The following AHNAK2 variants were observed in gnomAD, a reference collection of about 807,000 sequenced individuals.
AHNAK2 encodes the protein protein AHNAK2.
AHNAK2 carries 18 observed loss-of-function variants against 30.7 expected under a neutral mutation model. That is an observed-to-expected ratio of 0.59 (90% CI 0.41 to 0.87). The LOEUF is 0.87. AHNAK2 is among the 40% of genes least tolerant of loss of function. AHNAK2 has a pLI of 0.00. For missense variants in AHNAK2, 8,604 were observed against 7,373.0 expected, an observed-to-expected ratio of 1.17 and a Z score of -6.11; for synonymous variants, 3,590 against 3,073.8, an observed-to-expected ratio of 1.17 and a Z score of -5.56.
rs2582502 is a variant in AHNAK2 at position 104,952,235 on chromosome 14, G to T, written c.3216C>A (p.Pro1072=). 1 of 1,612,172 alleles carries T rather than the reference G, an allele frequency of 6.2e-7. No individual in the cohort carries two copies. Among genetic ancestry groups the T allele is most frequent in the South Asian group, 1.1e-5 (1 of 91,002 alleles). ...VDVKLPEGHL[P]EGAGLKGHLP... ...AGTGCCCTTTAAGGCCAGCTCCCTC[G>T]GGCAGGTGGCCCTCCGGGAGCTTCA... Residue 1072 remains proline (P), a synonymous_variant, in exon 7 of 7, where the codon CCC becomes CCA. Transcript: ENST00000333244.
At position 104,941,131 on chromosome 14, in the gene AHNAK2, G is replaced by A. The variant is rs368536920; in HGVS notation, c.14320C>T (p.Leu4774Phe). 1.4e-5 allele frequency: 22 copies of A among 1,613,638 alleles called. No homozygotes were observed. The highest frequency in any genetic ancestry group is 1.8e-5 in the Non-Finnish European group (21 of 1,179,900). ...GAAGATTCAAAGTGAGGACCAGTGAGATCAAGCCGGGATGATGGAAACCCA... is the reference window on the plus strand; with the variant it reads ...GAAGATTCAAAGTGAGGACCAGTGAAATCAAGCCGGGATGATGGAAACCCA... ...FAGFPSSRLD[L>F]TGPHFESSIL... Residue 4774 changes from leucine (L) to phenylalanine (F), a missense_variant, in exon 7 of 7, where the codon CTC becomes TTC. Physicochemically the swap from Leu to Phe is conservative, Grantham distance 22 (BLOSUM62 0). Coordinates refer to ENST00000333244, the MANE Select transcript of AHNAK2 (RefSeq NM_138420.4).
At position 104,952,810 on chromosome 14, in the gene AHNAK2, G is replaced by A. The variant is rs1405225809; in HGVS notation, c.2641C>T (p.Leu881Phe). 2 of 1,612,510 alleles carry A rather than the reference G, an allele frequency of 1.2e-6. No individual in the cohort carries two copies. The highest frequency in any genetic ancestry group is 1.7e-6 in the Non-Finnish European group (2 of 1,179,556). The change falls in exon 7 of 7, where the codon CTC becomes TTC. Residue 881 changes from leucine (L) to phenylalanine (F), a missense_variant. Coordinates refer to ENST00000333244, the MANE Select transcript of AHNAK2 (RefSeq NM_138420.4). ...SMQGDLKATDLSIQPPSADLE... is the reference protein window; with the variant it reads ...SMQGDLKATDFSIQPPSADLE... ...TCAGCGGAAGGGGGCTGAATGCTGA[G>A]GTCAGTGGCCTTGAGGTCCCCCTGC... is the stretch of plus-strand genomic sequence containing the variant.
rs574372155 is a variant in AHNAK2, at chr14:104,944,042, G to T, written c.11409C>A (p.Phe3803Leu). The T allele has an allele frequency of 5.0e-5, 80 of 1,613,040 alleles. No individual in the cohort carries two copies. The Admixed American group carries it at 1.3e-3, about 26-fold the overall frequency. ...DKDVTAKDSK[F>L]KMPKFKMPSF... ...ACGGCATCTTGAACTTGGGCATTTT[G>T]AATTTGCTGTCTTTGGCAGTCACAT... Residue 3803 changes from phenylalanine to leucine, a missense_variant, in exon 7 of 7, where the codon TTC becomes TTA. By Grantham distance (22) the Phe-to-Leu change is conservative. Transcript: ENST00000333244.
At position 104,950,909 on chromosome 14, in the gene AHNAK2, G is replaced by C. The variant is rs138686869; in HGVS notation, c.4542C>G (p.Ala1514=). 3.3e-5 allele frequency: 52 copies of C among 1,555,506 alleles called. 10 individuals are homozygous for C. In the Admixed American group the frequency reaches 5.4e-4, roughly 16 times the overall value. The change falls in exon 7 of 7, where the codon GCC becomes GCG. Residue 1514 remains alanine, a synonymous_variant. Coordinates refer to ENST00000333244, the MANE Select transcript of AHNAK2 (RefSeq NM_138420.4). The part of the protein sequence containing the change: ...GVSAPGKSIE[A]SVDVSAPKVE... ...CCTTCGGCGCAGACACATCCACTGA[G>C]GCCTCGATGGACTTGCCTGGGGCAG... is the stretch of plus-strand genomic sequence containing the variant.
In AHNAK2 at chr14:104,971,108, G is replaced by A. The variant is rs541404029; in HGVS notation, c.55+7075C>T. ...CCAGGGTATCTGGTAAGCAGGGTGC[G>A]GTGGGGCTCAGGAAGCAGCATTTTT... On this transcript the variant is annotated intron_variant, in intron 1 of 6. Transcript: ENST00000333244. Among the ~76,000 whole-genome samples the A allele has an allele frequency of 7.0e-4, 107 of 152,170 alleles. 1 individual carries two copies. Among genetic ancestry groups the A allele is most frequent in the Middle Eastern group, 6.8e-3 (2 of 294 alleles).
chr14:104,947,158 C>G lies in AHNAK2; in HGVS notation c.8293G>C (p.Ala2765Pro), dbSNP rs750376311. The change falls in exon 7 of 7, where the codon GCG (alanine) becomes CCG (proline). Residue 2765 changes from alanine to proline, a missense_variant. By Grantham distance (27) the Ala-to-Pro change is conservative. Transcript: ENST00000333244. ...TTCACATCGGGGGCTGTCACTTCCGCCTTGGGGCCTTTCAGGTCCACGTTG... is the reference window on the plus strand; with the variant it reads ...TTCACATCGGGGGCTGTCACTTCCGGCTTGGGGCCTTTCAGGTCCACGTTG... ...GPNVDLKGPK[A>P]EVTAPDVKMS... is the part of the protein sequence containing the mutation. The G allele has an allele frequency of 6.2e-7, 1 of 1,611,988 alleles. No homozygotes were observed. The highest frequency in any genetic ancestry group is 1.1e-5 in the South Asian group (1 of 91,014).
Position 104,948,232 on chromosome 14 carries a change from G to A in AHNAK2, c.7219C>T (p.Pro2407Ser). 1.2e-6 allele frequency: 2 copies of A among 1,612,508 alleles called. No homozygotes were observed. Among genetic ancestry groups the A allele is most frequent in the Non-Finnish European group, 1.7e-6 (2 of 1,179,530 alleles). ...TCTACTTTGGGCATCTTGAAACTGG[G>A]CATCTGCAGCTTGGGCAGGTGCCCT... is the stretch of plus-strand genomic sequence containing the variant. ...LKGHLPKLQMPSFKMPKVDLK... is the reference protein window; with the variant it reads ...LKGHLPKLQMSSFKMPKVDLK... The change falls in exon 7 of 7, where the codon CCC becomes TCC. Residue 2407 changes from proline to serine, a missense_variant. By Grantham distance (74) the Pro-to-Ser change is moderately conservative. Transcript: ENST00000333244.
rs117303553 is a variant in AHNAK2 at position 104,956,082 on chromosome 14, G to A, written c.316-449C>T. Among the ~76,000 whole-genome samples the A allele has an allele frequency of 1.5e-4, 23 of 152,236 alleles. No individual in the cohort carries two copies. In the East Asian group the frequency reaches 4.3e-3, roughly 28 times the overall value. ...ATACGGGACATTGGGTGCAGCCTGCGAGACCTGGGACAGGATGGGGCCTGT... is the reference window on the plus strand; with the variant it reads ...ATACGGGACATTGGGTGCAGCCTGCAAGACCTGGGACAGGATGGGGCCTGT... On this transcript the variant is annotated intron_variant, in intron 4 of 6. Coordinates refer to ENST00000333244, the MANE Select transcript of AHNAK2 (RefSeq NM_138420.4).
chr14:104,953,800 CCT>C lies in AHNAK2; in HGVS notation c.1649_1650del (p.Gln550ArgfsTer3). ...CCTTCCTCTCCATCTCCTTCATCCC[CCT>C]GTGCTTCTGCATGTGTGGTTGGTTC... ...GREPTTHAEAQGDEGDGEEGL... is the reference protein window; with the variant it reads ...GREPTTHAEAXGDEGDGEEGL... On this transcript the variant is annotated frameshift_variant, in exon 7 of 7. Coordinates refer to ENST00000333244, the MANE Select transcript of AHNAK2 (RefSeq NM_138420.4). LOFTEE classifies it low-confidence loss of function (END_TRUNC). 3.1e-6 allele frequency: 5 copies of C among 1,613,988 alleles called. No individual in the cohort carries two copies. Among genetic ancestry groups the C allele is most frequent in the African/African-American group, 1.3e-5 (1 of 75,032 alleles).
Position 104,947,771 on chromosome 14 carries a change from G to A in AHNAK2, c.7680C>T (p.Ala2560=), listed in dbSNP as rs780109743. The A allele has an allele frequency of 9.9e-6, 16 of 1,612,568 alleles. 1 individual carries two copies. The highest frequency in any genetic ancestry group is 6.6e-5 in the South Asian group (6 of 91,048). The change falls in exon 7 of 7, where the codon GCC becomes GCT. Residue 2560 remains alanine (A), a synonymous_variant. Transcript: ENST00000333244. ...KLPEGPVPEG[A]GLKGHLPKVQ... Reference sequence around the variant, plus strand: ...CCTTGGGCAGGTGCCCTTTGAGGCCGGCTCCCTCCGGCACAGGGCCCTCTG... The same window carrying A: ...CCTTGGGCAGGTGCCCTTTGAGGCCAGCTCCCTCCGGCACAGGGCCCTCTG...
chr14:104,960,340 T>C (rs545771162), intron 1 of AHNAK2, among the ~76,000 whole-genome samples: 146 of 152,170 alleles, frequency 9.6e-4, no homozygotes, highest in Non-Finnish European at 1.7e-3. Flanking sequence ...ACGTGTAGAC[T>C]TTTTTTCTTG....
intron 3 of AHNAK2, 141 bp downstream of exon 3, chr14:104,957,269 T>G: frequency 1.3e-6 from 1 of 749,186 alleles, no homozygotes; most frequent in Non-Finnish European, 2.1e-6. Flanking sequence ...CACAGAGGAG[T>G]CTGAGAGGAC....
In AHNAK2 at chr14:104,946,872, T is replaced by C. The variant is rs1240363318; in HGVS notation, c.8579A>G (p.Asp2860Gly). The C allele has an allele frequency of 3.1e-6, 5 of 1,612,320 alleles. No homozygotes were observed. Among genetic ancestry groups the C allele is most frequent in the Non-Finnish European group, 4.2e-6 (5 of 1,179,714 alleles). The change falls in exon 7 of 7, where the codon GAC becomes GGC. Residue 2860 changes from aspartate (D) to glycine (G), a missense_variant. By Grantham distance (94) the Asp-to-Gly change is moderately conservative. Coordinates refer to ENST00000333244, the MANE Select transcript of AHNAK2 (RefSeq NM_138420.4). ...PSMQGDLKTTDIRIQPPSAQL... is the reference protein window; with the variant it reads ...PSMQGDLKTTGIRIQPPSAQL... ...GGCGGAGGGGGGCTGAATGCGGATGTCAGTGGTCTTAAGATCCCCTTGCAT... is the reference window on the plus strand; with the variant it reads ...GGCGGAGGGGGGCTGAATGCGGATGCCAGTGGTCTTAAGATCCCCTTGCAT...
At position 104,948,050 on chromosome 14, in the gene AHNAK2, C is replaced by G; in HGVS notation, c.7401G>C (p.Gly2467=). The stretch of plus-strand genomic sequence containing the variant: ...CATCCTTGTCCGCCACAGACAGGTC[C>G]CCCTCCAGCCACGCACCATCCAGCT... The part of the protein sequence containing the change: ...GAKLDGAWLE[G]DLSVADKDVT... Residue 2467 remains glycine (G), a synonymous_variant, in exon 7 of 7, where the codon GGG becomes GGC. Coordinates refer to ENST00000333244, the MANE Select transcript of AHNAK2 (RefSeq NM_138420.4). The G allele has an allele frequency of 6.2e-7, 1 of 1,612,894 alleles. No individual in the cohort carries two copies. Among genetic ancestry groups the G allele is most frequent in the Non-Finnish European group, 8.5e-7 (1 of 1,179,696 alleles).
chr14:104,956,460 C>T, intron 4 of AHNAK2, 128 bp downstream of exon 4: 1 of 892,090 alleles, frequency 1.1e-6, no homozygotes, highest in East Asian at 2.5e-5. Flanking sequence ...AACACCCCTC[C>T]TCCCCAGGGC....
chr14:104,943,452 G>T lies in AHNAK2; in HGVS notation c.11999C>A (p.Ala4000Asp). The change falls in exon 7 of 7, where the codon GCC (alanine) becomes GAC (aspartate). Residue 4000 changes from alanine to aspartate, a missense_variant. Physicochemically the swap from Ala to Asp is moderately radical, Grantham distance 126. Transcript: ENST00000333244. ...SVDVTAPKVE[A>D]DVSLPSMQGD... ...CTGCATGGAAGGGAGGCTCACGTCG[G>T]CCTCCACCTTTGGCGCGGTCACATC... 6.2e-7 allele frequency: 1 copy of T among 1,613,272 alleles called. No homozygotes were observed. Among genetic ancestry groups the T allele is most frequent in the Non-Finnish European group, 8.5e-7 (1 of 1,179,636 alleles).
intron 1 of AHNAK2, among the ~76,000 whole-genome samples, chr14:104,972,754 T>A (rs1231694841): frequency 6.6e-6 from 1 of 152,184 alleles, no homozygotes; most frequent in Non-Finnish European, 1.5e-5. Context: ...TCTAAGCACG[T>A]GCCACTGGCT....
Position 104,940,955 on chromosome 14 carries a change from C to T in AHNAK2, c.14496G>A (p.Gln4832=), listed in dbSNP as rs1302313114. ...GAGATGTTGGAACTCCCTCTGGAGG[C>T]TGCAGGTCAGTGGAGCACTCTGTCT... ...LPKTECSTDL[Q]PPEGVPTSQA... Residue 4832 remains glutamine, a synonymous_variant, in exon 7 of 7, where the codon CAG becomes CAA. Coordinates refer to ENST00000333244, the MANE Select transcript of AHNAK2 (RefSeq NM_138420.4). The surrounding 1 kb of genome is among the most constrained non-coding windows in gnomAD (Gnocchi z 4.4). 2 of 1,612,860 alleles carry T rather than the reference C, an allele frequency of 1.2e-6. No individual in the cohort carries two copies. The highest frequency in any genetic ancestry group is 1.7e-5 in the Admixed American group (1 of 59,948).
At position 104,949,747 on chromosome 14, in the gene AHNAK2, GGCC is replaced by G; in HGVS notation, c.5701_5703del (p.Gly1901del). On this transcript the variant is annotated inframe_deletion, in exon 7 of 7. Transcript: ENST00000333244. ...TCCACCTTGGGCAAGTGCCCTTTGAGGCCGGCTCCCTCGGGCACCTGGCCCTCC... is the reference window on the plus strand; with the variant it reads ...TCCACCTTGGGCAAGTGCCCTTTGAGGGCTCCCTCGGGCACCTGGCCCTCC... 6.3e-7 allele frequency: 1 copy of G among 1,586,732 alleles called. No individual in the cohort carries two copies. Among genetic ancestry groups the G allele is most frequent in the Non-Finnish European group, 8.6e-7 (1 of 1,162,712 alleles).
Sources: gnomAD v4.1 joint callset for allele counts (sites outside exome capture counted in the v4.1 genomes callset) on GRCh38, gnomAD v4.1.1 for gene constraint, Gnocchi (gnomAD v3.1) non-coding constraint, MANE v1.5 for transcripts, NCBI Gene and HGNC (gene_info 2026-07-23, HGNC 2026-07-21) for gene names.